UVRAG: variants seen among roughly 807,000 people sequenced by gnomAD.
UVRAG encodes UV radiation resistance associated.
In UVRAG, 19 loss-of-function variants were observed where a neutral mutation model predicts 78.0. The ratio of observed to expected loss-of-function variants is 0.24; its 90% CI spans 0.17 to 0.36. UVRAG has a LOEUF of 0.36. Among genes scored for constraint, UVRAG ranks in the 10% least tolerant of loss-of-function variants. UVRAG has a pLI of 1.00. For synonymous variants in UVRAG, 323 were observed against 324.6 expected, an observed-to-expected ratio of 1.00 and a Z score of 0.05; for missense variants, 740 against 853.8, an observed-to-expected ratio of 0.87 and a Z score of 1.66.
At chr11:75,911,013 A>G (rs1947724416) in intron 5 of UVRAG, among the ~76,000 whole-genome samples, 1 of 152,266 alleles carries the variant, frequency 6.6e-6, no homozygotes, top group African/African-American at 2.4e-5. Flanking sequence ...ACCACAATTT[A>G]TAATGTGAAA....
intron 13 of UVRAG, among the ~76,000 whole-genome samples, chr11:76,082,252 C>A (rs1951508797): frequency 1.3e-5 from 2 of 152,064 alleles, no homozygotes; most frequent in South Asian, 4.1e-4. Flanking sequence ...ATTAAAAAAT[C>A]ATAGGTGGCT....
chr11:76,076,589 G>A (rs1007878526), intron 13 of UVRAG, among the ~76,000 whole-genome samples: 3 of 151,996 alleles, frequency 2.0e-5, no homozygotes, highest in Non-Finnish European at 4.4e-5. Flanking sequence ...ACAGCCAAAC[G>A]GTATCAGGTT....
At chr11:75,920,008 G>GTTTTTTTTTTTTTTTTT (rs140217190) in intron 6 of UVRAG, among the ~76,000 whole-genome samples, 7 of 55,492 alleles carry the variant, frequency 1.3e-4, no homozygotes, top group East Asian at 1.3e-3. Flanking sequence ...AATAATTTTG[G>GTTTTTTTTTTTTTTTTT]TTTTTTTTTT....
chr11:76,117,751 C>G (rs1038048509), intron 14 of UVRAG, among the ~76,000 whole-genome samples: 4 of 152,146 alleles, frequency 2.6e-5, no homozygotes, highest in Admixed American at 2.0e-4. Context: ...TTCAGGAGCC[C>G]AGATAGGGCT....
At chr11:76,044,727 T>C (rs1950713534) in intron 12 of UVRAG, among the ~76,000 whole-genome samples, 1 of 152,116 alleles carries the variant, frequency 6.6e-6, no homozygotes, top group African/African-American at 2.4e-5. Flanking sequence ...TGAGCCGAGA[T>C]TGTGCTACTG....
At chr11:76,117,062 A>G (rs1283263304) in intron 14 of UVRAG, among the ~76,000 whole-genome samples, 1 of 152,220 alleles carries the variant, frequency 6.6e-6, no homozygotes, top group African/African-American at 2.4e-5. Context: ...TAAGTTTTAA[A>G]GTAAAGTAAT....
intron 13 of UVRAG, among the ~76,000 whole-genome samples, chr11:76,093,299 C>T (rs1165515491): frequency 6.6e-6 from 1 of 152,158 alleles, no homozygotes; most frequent in East Asian, 1.9e-4. Flanking sequence ...CGTGATGCCT[C>T]CAGCTTTGTT....
intron 12 of UVRAG, among the ~76,000 whole-genome samples, chr11:76,041,339 CA>C (rs1404079470): frequency 6.6e-6 from 1 of 152,138 alleles, no homozygotes; most frequent in African/African-American, 2.4e-5. Context: ...ACAACTCAGG[CA>C]AAGAAGTAGG....
intron 6 of UVRAG, chr11:75,914,547 G>C (rs1947810241): frequency 6.6e-6 from 1 of 152,226 alleles, no homozygotes. Context: ...AGGTTGGAGT[G>C]CAGCGGCCCG....
chr11:75,970,826 G>C (rs368318742), intron 7 of UVRAG, among the ~76,000 whole-genome samples: 1 of 151,110 alleles, frequency 6.6e-6, no homozygotes, highest in Non-Finnish European at 1.5e-5. Flanking sequence ...TCTTGTACTC[G>C]TGTGGTACAA....
At chr11:76,104,554 G>A (rs1388293848) in intron 13 of UVRAG, among the ~76,000 whole-genome samples, 1 of 151,984 alleles carries the variant, frequency 6.6e-6, no homozygotes, top group Non-Finnish European at 1.5e-5. Flanking sequence ...TTTCATTATC[G>A]TTAGCACCAT....
intron 3 of UVRAG, among the ~76,000 whole-genome samples, chr11:75,876,168 T>G (rs1302709705): frequency 6.6e-6 from 1 of 152,236 alleles, no homozygotes; most frequent in Non-Finnish European, 1.5e-5. Context: ...GTGATTATTA[T>G]TATTATTTAA....
chr11:75,943,606 A>G (rs1392012844), intron 6 of UVRAG, among the ~76,000 whole-genome samples: 1 of 152,086 alleles, frequency 6.6e-6, no homozygotes, highest in Non-Finnish European at 1.5e-5. Context: ...CGAAGAGTTG[A>G]TTATTGTTCT....
intron 8 of UVRAG, among the ~76,000 whole-genome samples, chr11:75,984,654 A>G (rs1565104353): frequency 6.6e-6 from 1 of 152,116 alleles, no homozygotes; most frequent in African/African-American, 2.4e-5. Flanking sequence ...GCTTCCTTCC[A>G]TTTACCACAT....
chr11:76,116,495 G>A (rs1483680267), intron 14 of UVRAG, among the ~76,000 whole-genome samples: 3 of 152,238 alleles, frequency 2.0e-5, no homozygotes, highest in African/African-American at 7.2e-5. Flanking sequence ...TGTTTCTTGT[G>A]TGTGGTGTCA....
In UVRAG at chr11:76,044,500, C is replaced by T. The variant is rs1032148365; in HGVS notation, c.1227-21210C>T. Among the ~76,000 whole-genome samples, 11 of 152,284 alleles carry T rather than the reference C, an allele frequency of 7.2e-5. No individual in the cohort carries two copies. The South Asian group carries it at 8.3e-4, about 11-fold the overall frequency. On this transcript the variant is annotated intron_variant, in intron 12 of 14. Transcript: ENST00000356136. ...AAAATTTAAAAAGCAGGCCAGGCGC[C>T]GCGGCTCACGGCTGTAATCCCAGCA...
At chr11:75,980,635 T>G (rs1201318975) in intron 7 of UVRAG, among the ~76,000 whole-genome samples, 1 of 152,124 alleles carries the variant, frequency 6.6e-6, no homozygotes, top group Non-Finnish European at 1.5e-5. Flanking sequence ...TTCTTCATAT[T>G]AGTAAATTTT....
At chr11:76,051,866 C>T (rs1479889753) in intron 12 of UVRAG, among the ~76,000 whole-genome samples, 2 of 152,078 alleles carry the variant, frequency 1.3e-5, no homozygotes, top group Non-Finnish European at 2.9e-5. Context: ...TTTGTTCTTC[C>T]ATGAGGACTT....
chr11:75,820,024 T>C (rs1473846015), intron 1 of UVRAG, among the ~76,000 whole-genome samples: 1 of 152,220 alleles, frequency 6.6e-6, no homozygotes, highest in Non-Finnish European at 1.5e-5. Context: ...TCTTGCTCTG[T>C]TGCCCAGCCT....
Sources: allele counts gnomAD v4.1 joint callset (sites outside exome capture counted in the v4.1 genomes callset), GRCh38; gene constraint gnomAD v4.1.1; transcripts MANE v1.5; gene names NCBI Gene and HGNC (gene_info 2026-07-23, HGNC 2026-07-21).